FNDC3A: variants seen among roughly 807,000 people sequenced by gnomAD.
FNDC3A encodes fibronectin type-III domain-containing protein 3A.
Under a neutral mutation model 148.9 loss-of-function variants are expected in FNDC3A, and 32 were observed. The ratio of observed to expected loss-of-function variants is 0.21; its 90% CI spans 0.16 to 0.29. The LOEUF is 0.29. Among genes scored for constraint, FNDC3A ranks in the 10% least tolerant of loss-of-function variants. The pLI is 1.00. For synonymous variants in FNDC3A, 472 were observed against 473.6 expected (o/e 1.00, Z 0.04); for missense variants, 1,191 against 1,452.8 (o/e 0.82, Z 2.93).
At chr13:48,976,515 T>G (rs1951602404) in intron 1 of FNDC3A, 1 of 152,360 alleles carries the variant, frequency 6.6e-6, no homozygotes, top group Non-Finnish European at 1.5e-5. Flanking sequence ...GTGGCGCTGG[T>G]GCGCGGGCGG....
chr13:49,086,788 A>G (rs1433728794), intron 3 of FNDC3A, among the ~76,000 whole-genome samples: 1 of 152,168 alleles, frequency 6.6e-6, no homozygotes, highest in Admixed American at 6.5e-5. Context: ...GTATTTAAAA[A>G]TTTGCTCTTT....
At chr13:49,021,296 C>G (rs922678451) in intron 2 of FNDC3A, among the ~76,000 whole-genome samples, 2 of 152,174 alleles carry the variant, frequency 1.3e-5, no homozygotes, top group Non-Finnish European at 2.9e-5. Context: ...ATCCTCACCA[C>G]AAGCCAACTG....
chr13:49,181,701 A>G (rs149591188), intron 14 of FNDC3A, among the ~76,000 whole-genome samples: 11 of 152,334 alleles, frequency 7.2e-5, no homozygotes, highest in African/African-American at 2.4e-4. Flanking sequence ...AGTCGTATCA[A>G]AATAAAATCT....
intron 1 of FNDC3A, among the ~76,000 whole-genome samples, chr13:48,994,710 G>C (rs368024549): frequency 6.6e-6 from 1 of 152,026 alleles, no homozygotes; most frequent in Non-Finnish European, 1.5e-5. Flanking sequence ...CCTGGGAAGC[G>C]GGGGTTGCAG....
intron 3 of FNDC3A, among the ~76,000 whole-genome samples, chr13:49,079,079 G>C (rs1878302482): frequency 6.6e-6 from 1 of 152,160 alleles, no homozygotes; most frequent in Non-Finnish European, 1.5e-5. Flanking sequence ...GAATCACAGA[G>C]AACTTTAGAC....
At chr13:49,018,557 G>A (rs966430062) in intron 2 of FNDC3A, among the ~76,000 whole-genome samples, 4 of 152,376 alleles carry the variant, frequency 2.6e-5, no homozygotes, top group African/African-American at 7.2e-5. Flanking sequence ...ATTTCCTCCC[G>A]TAGCTCGGAA....
intron 8 of FNDC3A, among the ~76,000 whole-genome samples, chr13:49,157,388 T>G (rs375956858): frequency 0.036 from 4,785 of 131,334 alleles, 296 homozygotes; most frequent in African/African-American, 0.13. Context: ...CTTTAAGCAC[T>G]TCTCTGTATT....
At chr13:49,016,508 C>T (rs1872792476) in intron 2 of FNDC3A, among the ~76,000 whole-genome samples, 1 of 151,890 alleles carries the variant, frequency 6.6e-6, no homozygotes, top group African/African-American at 2.4e-5. Context: ...CTTTATTAGT[C>T]TTGCTAGTGG....
intron 1 of FNDC3A, among the ~76,000 whole-genome samples, chr13:48,988,898 A>G (rs1325466189): frequency 6.6e-6 from 1 of 152,070 alleles, no homozygotes; most frequent in Non-Finnish European, 1.5e-5. Context: ...AGTTAAAGCT[A>G]TCAGACATGA....
chr13:49,151,650 T>G (rs9591242), intron 8 of FNDC3A, among the ~76,000 whole-genome samples: 7,032 of 152,216 alleles, frequency 0.046, 195 homozygotes, highest in South Asian at 0.13. Context: ...TAGGTATACA[T>G]GTGCCATGTT....
chr13:48,987,781 C>G (rs1216445457), intron 1 of FNDC3A: 1 of 152,130 alleles, frequency 6.6e-6, no homozygotes, highest in African/African-American at 2.4e-5. Flanking sequence ...AGTTTTTGAC[C>G]TCAGTGGCAG....
intron 2 of FNDC3A, among the ~76,000 whole-genome samples, chr13:49,045,223 G>A (rs1191035756): frequency 6.7e-6 from 1 of 150,054 alleles, no homozygotes; most frequent in African/African-American, 2.5e-5. Context: ...GTACCATCTC[G>A]ACTAACTGCA....
intron 3 of FNDC3A, among the ~76,000 whole-genome samples, chr13:49,086,959 C>T (rs996468421): frequency 3.3e-5 from 5 of 151,978 alleles, no homozygotes; most frequent in African/African-American, 1.2e-4. Context: ...TGATTCATTC[C>T]GAGTACATTG....
intron 2 of FNDC3A, among the ~76,000 whole-genome samples, chr13:49,049,631 T>C (rs1875679006): frequency 3.9e-5 from 6 of 152,234 alleles, no homozygotes. Context: ...TAATCTTTTG[T>C]ATGTCTGTGG....
intron 3 of FNDC3A, among the ~76,000 whole-genome samples, chr13:49,085,035 C>T (rs540634306): frequency 6.6e-6 from 1 of 152,248 alleles, no homozygotes; most frequent in Non-Finnish European, 1.5e-5. Flanking sequence ...CCTGCTTCTT[C>T]CTGCCATTAC....
intron 8 of FNDC3A, among the ~76,000 whole-genome samples, chr13:49,148,485 A>G (rs529177408): frequency 6.6e-6 from 1 of 152,116 alleles, no homozygotes; most frequent in East Asian, 1.9e-4. Flanking sequence ...TCCCCAGTGT[A>G]TGTTCTTGGC....
chr13:49,110,522 A>G (rs1038832650), intron 3 of FNDC3A: 6 of 755,490 alleles, frequency 7.9e-6, no homozygotes, highest in Non-Finnish European at 1.4e-5. Context: ...TCGCCATAAA[A>G]TATTTTAAAT....
intron 2 of FNDC3A, among the ~76,000 whole-genome samples, chr13:49,059,635 T>C (rs957198926): frequency 1.3e-5 from 2 of 152,018 alleles, no homozygotes; most frequent in Non-Finnish European, 1.5e-5. Flanking sequence ...TTTGTATTTT[T>C]AGTAGAGACA....
chr13:48,988,055 A>G (rs749449329), intron 1 of FNDC3A: 1 of 152,248 alleles, frequency 6.6e-6, no homozygotes, highest in Non-Finnish European at 1.5e-5. Context: ...AAGACAAAGA[A>G]GGGCATTACA....
Sources: allele counts gnomAD v4.1 joint callset (sites outside exome capture counted in the v4.1 genomes callset), GRCh38; gene constraint gnomAD v4.1.1; transcripts MANE v1.5; gene names NCBI Gene and HGNC (gene_info 2026-07-23, HGNC 2026-07-21).